The following KLHL5 variants were observed in gnomAD, a reference collection of about 807,000 sequenced individuals.
KLHL5 encodes kelch like family member 5.
A neutral mutation model predicts 77.7 loss-of-function variants in KLHL5; 48 were observed. The observed-to-expected ratio is 0.62, with a 90% CI of 0.49 to 0.79. The LOEUF is 0.79. Ranked by LOEUF, KLHL5 falls within the 30% of genes least tolerant of loss-of-function variation. KLHL5 has a pLI of 0.00. For missense variants in KLHL5, 723 were observed against 859.7 expected (o/e 0.84, Z 1.99); for synonymous variants, 260 against 297.0 (o/e 0.88, Z 1.28).
At position 39,102,625 on chromosome 4, in the gene KLHL5, T is replaced by C. The variant is rs945697802; in HGVS notation, c.1301-662T>C. ...TTCATTATGTTCGTTATGATCCCTT[T>C]CATCTCCTGTATTTTTAGCTGCTTT... is the stretch of plus-strand genomic sequence containing the variant. On this transcript the variant is annotated intron_variant, in intron 6 of 10. Transcript: ENST00000504108. Among the ~76,000 whole-genome samples the C allele has an allele frequency of 7.2e-5, 11 of 152,234 alleles. No homozygotes were observed. In the East Asian group the frequency reaches 1.9e-3, roughly 27 times the overall value.
chr4:39,046,569 T>G (rs1716207872), intron 1 of KLHL5, among the ~76,000 whole-genome samples: 1 of 152,080 alleles, frequency 6.6e-6, no homozygotes, highest in African/African-American at 2.4e-5. Flanking sequence ...GGCAACATAG[T>G]GAGACCCCTG....
At chr4:39,102,283 G>A (rs139806501) in intron 6 of KLHL5, among the ~76,000 whole-genome samples, 141 of 151,364 alleles carry the variant, frequency 9.3e-4, no homozygotes, top group Middle Eastern at 3.4e-3. Context: ...CACAATTGGG[G>A]GTTAGGTTTT....
upstream of KLHL5, among the ~76,000 whole-genome samples, chr4:39,061,637 TAAC>T (rs1450938340): frequency 6.6e-6 from 1 of 152,196 alleles, no homozygotes; most frequent in Non-Finnish European, 1.5e-5. Context: ...TTTGTTTTGC[TAAC>T]AACAGAGGGC....
chr4:39,120,858 G>T lies in KLHL5; in HGVS notation c.2074-152G>T, dbSNP rs1723162498. On this transcript the variant is annotated intron_variant, in intron 10 of 10. Coordinates refer to ENST00000504108, the MANE Select transcript of KLHL5 (RefSeq NM_015990.5). ...GCCATGGAAGGTGGCTCTTGGGAAG[G>T]GGACCAGGCCAGAAACAGCGCTGAT... is the stretch of plus-strand genomic sequence containing the variant. The T allele has an allele frequency of 6.8e-6, 4 of 586,328 alleles. No individual in the cohort carries two copies. In the Admixed American group the frequency reaches 1.3e-4, roughly 19 times the overall value. 36.3% of individuals were successfully genotyped at this position (586,328 alleles called of 1,614,324 possible).
In KLHL5 at chr4:39,096,743, C is replaced by T; in HGVS notation, c.1165C>T (p.Gln389Ter). Residue 389 changes from glutamine (Q) to a stop codon, truncating the protein, a stop_gained, in exon 6 of 11, where the codon CAG becomes TAG. Coordinates refer to ENST00000504108, the MANE Select transcript of KLHL5 (RefSeq NM_015990.5). LOFTEE classifies it high-confidence loss of function. ...NVLFRDDIECQKLIMEAMKYH... is the reference protein window; with the variant it reads ...NVLFRDDIEC ...ACTTTTTCGGGATGATATAGAATGTCAGAAACTCATTATGGAAGCAATGAA... is the reference window on the plus strand; with the variant it reads ...ACTTTTTCGGGATGATATAGAATGTTAGAAACTCATTATGGAAGCAATGAA... 1 of 1,613,156 alleles carries T rather than the reference C, an allele frequency of 6.2e-7. No individual in the cohort carries two copies. Among genetic ancestry groups the T allele is most frequent in the Non-Finnish European group, 8.5e-7 (1 of 1,179,238 alleles).
intron 4 of KLHL5, among the ~76,000 whole-genome samples, chr4:39,084,364 A>G (rs144081697): frequency 1.1e-4 from 16 of 152,226 alleles, no homozygotes; most frequent in African/African-American, 3.6e-4. Context: ...TGTAACCTCT[A>G]AAAAAGTCTT....
chr4:39,128,350 C>T (rs1723644551), downstream of KLHL5, among the ~76,000 whole-genome samples: 1 of 151,964 alleles, frequency 6.6e-6, no homozygotes, highest in Admixed American at 6.6e-5. Flanking sequence ...CTTGCAGCTT[C>T]CTTGTTCACA....
At chr4:39,108,687 T>C (rs2566161) in intron 8 of KLHL5, among the ~76,000 whole-genome samples, 4,411 of 152,252 alleles carry the variant, frequency 0.029, 210 homozygotes, top group African/African-American at 0.099. Flanking sequence ...ACTTCAAAGT[T>C]CATCACTAGG....
At chr4:39,077,184 C>A (rs1003908557) in intron 2 of KLHL5, among the ~76,000 whole-genome samples, 1 of 151,970 alleles carries the variant, frequency 6.6e-6, no homozygotes, top group Admixed American at 6.6e-5. Flanking sequence ...TTTGGCCGGG[C>A]GCGGTGGCTC....
In KLHL5 at chr4:39,113,168, G is replaced by A. The variant is rs1236767588; in HGVS notation, c.1837G>A (p.Ala613Thr). The A allele has an allele frequency of 6.2e-7, 1 of 1,614,000 alleles. No homozygotes were observed. Among genetic ancestry groups the A allele is most frequent in the African/African-American group, 1.3e-5 (1 of 74,932 alleles). ...GACGACCTGGAATGGACTGCTGTAT[G>A]CTATAGGGGGGCACGATGCTCCCGC... is the stretch of plus-strand genomic sequence containing the variant. Reference protein sequence around the residue: ...GVTTWNGLLYAIGGHDAPASN... With the variant: ...GVTTWNGLLYTIGGHDAPASN... The change falls in exon 9 of 11, where the codon GCT becomes ACT. Residue 613 changes from alanine to threonine, a missense_variant. Physicochemically the swap from Ala to Thr is moderately conservative, Grantham distance 58. Around this residue, in one of 3 missense-constraint regions of KLHL5, gnomAD observed 214 missense variants for 237.4 expected, o/e 0.90. Coordinates refer to ENST00000504108, the MANE Select transcript of KLHL5 (RefSeq NM_015990.5).
At chr4:39,052,287 A>AT (rs1208699212) in intron 1 of KLHL5, among the ~76,000 whole-genome samples, 1 of 151,656 alleles carries the variant, frequency 6.6e-6, no homozygotes, top group African/African-American at 2.4e-5. Flanking sequence ...CGCCCAGCTA[A>AT]TTTTTTGTAT....
At chr4:39,049,511 C>A (rs1716465750) in intron 1 of KLHL5, among the ~76,000 whole-genome samples, 1 of 151,950 alleles carries the variant, frequency 6.6e-6, no homozygotes, top group African/African-American at 2.4e-5. Context: ...CGTAGTGAGA[C>A]CCTATGCCTA....
Position 39,121,158 on chromosome 4 carries a change from C to G in KLHL5, c.*92C>G. 1.0e-6 allele frequency: 1 copy of G among 996,166 alleles called. No individual in the cohort carries two copies. Among genetic ancestry groups the G allele is most frequent in the Non-Finnish European group, 1.6e-6 (1 of 636,160 alleles). The allele number at this position is 996,166 out of a possible 1,614,324, so 61.7% of individuals were successfully genotyped here. On this transcript the variant is annotated 3_prime_UTR_variant, in exon 11 of 11. Coordinates refer to ENST00000504108, the MANE Select transcript of KLHL5 (RefSeq NM_015990.5). ...AATGGATACATTTTTAGTAAATGTG[C>G]ATTGTCACAATCCTGGGCACAAAGT...
intron 1 of KLHL5, among the ~76,000 whole-genome samples, chr4:39,073,256 T>G (rs1270453213): frequency 6.6e-6 from 1 of 152,118 alleles, no homozygotes; most frequent in Non-Finnish European, 1.5e-5. Context: ...GACAAGAAAA[T>G]TATTAACTGG....
chr4:39,051,606 GA>G (rs1716651369), intron 1 of KLHL5, among the ~76,000 whole-genome samples: 1 of 152,194 alleles, frequency 6.6e-6, no homozygotes, highest in Non-Finnish European at 1.5e-5. Flanking sequence ...CAGTGGGAGT[GA>G]TTTTCACAGC....
chr4:39,129,436 C>T (rs1477896521), downstream of KLHL5, among the ~76,000 whole-genome samples: 1 of 152,156 alleles, frequency 6.6e-6, no homozygotes, highest in African/African-American at 2.4e-5. This position sits in a 1 kb window ranked among gnomAD's most constrained non-coding sequence, Gnocchi z 4.2. Flanking sequence ...TCTCAAACTC[C>T]TGACCTCGTG....
At chr4:39,138,192 G>T in the KLHL5 span, among the ~76,000 whole-genome samples, 1 of 152,082 alleles carries the variant, frequency 6.6e-6, no homozygotes, top group African/African-American at 2.4e-5. Flanking sequence ...AAGATGGTGT[G>T]GTGATTCCTC....
At chr4:39,082,426 T>C (rs886399099) in intron 4 of KLHL5, among the ~76,000 whole-genome samples, 1 of 152,140 alleles carries the variant, frequency 6.6e-6, no homozygotes, top group African/African-American at 2.4e-5. Flanking sequence ...GATTTTCAGA[T>C]TTGCTGCTTT....
At chr4:39,130,303 T>G (rs906056007), downstream of KLHL5, among the ~76,000 whole-genome samples, 2 of 152,230 alleles carry the variant, frequency 1.3e-5, no homozygotes, top group Non-Finnish European at 2.9e-5. Context: ...GTTGGGCTAG[T>G]TAACTGCAGC....
Sources: allele counts gnomAD v4.1 joint callset (sites outside exome capture counted in the v4.1 genomes callset), GRCh38; gene constraint gnomAD v4.1.1; regional missense constraint gnomAD v4.1.1; non-coding constraint Gnocchi (gnomAD v3.1); transcripts MANE v1.5; gene names NCBI Gene and HGNC (gene_info 2026-07-23, HGNC 2026-07-21).